Variants in PTPRF observed in about 807,000 individuals in gnomAD.
PTPRF encodes receptor-type tyrosine-protein phosphatase F.
In PTPRF, 59 loss-of-function variants were observed where a neutral mutation model predicts 201.8. The ratio of observed to expected loss-of-function variants is 0.29; its 90% CI spans 0.24 to 0.36. The LOEUF (loss-of-function observed/expected upper bound fraction) is 0.36, where lower values mean the gene tolerates loss of function less well. Among genes scored for constraint, PTPRF ranks in the 10% least tolerant of loss-of-function variants. The pLI, the probability that PTPRF is intolerant of heterozygous loss-of-function variation, is 1.00. For missense variants in PTPRF, 2,132 were observed against 2,690.5 expected (o/e 0.79, Z 4.59); for synonymous variants, 1,088 against 1,089.7 (o/e 1.00, Z 0.03).
chr1:43,578,208 C>G (rs535061272), intron 6 of PTPRF, among the ~76,000 whole-genome samples: 1 of 151,942 alleles, frequency 6.6e-6, no homozygotes, highest in Non-Finnish European at 1.5e-5. Flanking sequence ...TTAGCAGGAC[C>G]GGGCTGAGGA....
chr1:43,536,236 G>A (rs770229186), intron 1 of PTPRF, among the ~76,000 whole-genome samples: 2 of 152,140 alleles, frequency 1.3e-5, no homozygotes, highest in Non-Finnish European at 2.9e-5. Context: ...TCTGGGAGCT[G>A]CAGTTGGTGA....
chr1:43,574,188 G>A (rs2153991716), intron 6 of PTPRF, among the ~76,000 whole-genome samples: 1 of 151,642 alleles, frequency 6.6e-6, no homozygotes, highest in Admixed American at 6.6e-5. Flanking sequence ...TAGAGACAGG[G>A]TTTCACCATG....
chr1:43,545,803 G>C (rs542472879), intron 3 of PTPRF, among the ~76,000 whole-genome samples: 7 of 152,306 alleles, frequency 4.6e-5, no homozygotes, highest in Non-Finnish European at 1.0e-4. Flanking sequence ...GCCCCTCTGT[G>C]TGTGTTTGTG....
At position 43,617,771 on chromosome 1, in the gene PTPRF, A is replaced by G. The variant is rs1658227908; in HGVS notation, c.4231A>G (p.Ile1411Val). 5 of 1,614,082 alleles carry G rather than the reference A, an allele frequency of 3.1e-6. No homozygotes were observed. Among genetic ancestry groups the G allele is most frequent in the Admixed American group, 1.7e-5 (1 of 60,016 alleles). ...GAGTGACTACATCAATGCCAACTAC[A>G]TCGATGGCTACCGCAAGCAGAATGC... ...PGSDYINANY[I>V]DGYRKQNAYI... is the part of the protein sequence containing the mutation. Residue 1411 changes from isoleucine to valine, a missense_variant, in exon 25 of 34, where the codon ATC (isoleucine) becomes GTC (valine). Physicochemically the swap from Ile to Val is conservative, Grantham distance 29 (BLOSUM62 3). This residue lies in a region of PTPRF where 22 missense variants were observed against 48.1 expected (regional missense o/e 0.46). Transcript: ENST00000359947.
At position 43,591,210 on chromosome 1, in the gene PTPRF, G is replaced by C. The variant is rs769624112; in HGVS notation, c.1188G>C (p.Gly396=). Residue 396 remains glycine (G), a synonymous_variant, in exon 9 of 34, where the codon GGG becomes GGC. Coordinates refer to ENST00000359947, the MANE Select transcript of PTPRF (RefSeq NM_002840.5). ...AFRVLAVNSI[G]RGPPSEAVRA... Reference sequence around the variant, plus strand: ...GCGTGCTGGCGGTGAACAGCATCGGGCGAGGGCCGCCCAGCGAGGCAGTGC... The same window carrying C: ...GCGTGCTGGCGGTGAACAGCATCGGCCGAGGGCCGCCCAGCGAGGCAGTGC... 6.2e-7 allele frequency: 1 copy of C among 1,605,780 alleles called. No homozygotes were observed. Among genetic ancestry groups the C allele is most frequent in the South Asian group, 1.1e-5 (1 of 90,892 alleles).
chr1:43,540,134 A>T (rs570471049), intron 2 of PTPRF, among the ~76,000 whole-genome samples: 1 of 152,254 alleles, frequency 6.6e-6, no homozygotes, highest in East Asian at 1.9e-4. Flanking sequence ...TTGTTATTGT[A>T]GGGTGTCTAG....
At position 43,606,270 on chromosome 1, in the gene PTPRF, G is replaced by A; in HGVS notation, c.3514G>A (p.Glu1172Lys). ...AGAAGCCATCGAGCAAGGCGGAGAGGAGCAGCGGCGGCGGCGGCGGCAGGC... is the reference window on the plus strand; with the variant it reads ...AGAAGCCATCGAGCAAGGCGGAGAGAAGCAGCGGCGGCGGCGGCGGCAGGC... ...LLEAIEQGGE[E>K]QRRRRRQAER... The change falls in exon 20 of 34, where the codon GAG becomes AAG. Residue 1172 changes from glutamate to lysine, a missense_variant. Glu to Lys is a moderately conservative substitution (Grantham distance 56). Coordinates refer to ENST00000359947, the MANE Select transcript of PTPRF (RefSeq NM_002840.5). 6.2e-7 allele frequency: 1 copy of A among 1,613,898 alleles called. No individual in the cohort carries two copies. The highest frequency in any genetic ancestry group is 8.5e-7 in the Non-Finnish European group (1 of 1,180,000).
intron 9 of PTPRF, 56 bp from the exon 10 acceptor site, chr1:43,591,756 G>T: frequency 6.3e-7 from 1 of 1,599,452 alleles, no homozygotes; most frequent in Non-Finnish European, 8.5e-7. Context: ...CCTCCTCCCT[G>T]GGCACCCCTG....
intron 25 of PTPRF, among the ~76,000 whole-genome samples, chr1:43,618,397 A>C (rs1035450783): frequency 3.9e-5 from 6 of 152,234 alleles, no homozygotes; most frequent in African/African-American, 1.4e-4. Context: ...TCTGGCGTTG[A>C]ATAAATAATT....
intron 8 of PTPRF, 62 bp from the exon 9 acceptor site, chr1:43,590,910 C>G: frequency 7.0e-7 from 1 of 1,434,744 alleles, no homozygotes; most frequent in Non-Finnish European, 9.5e-7. Flanking sequence ...ATCCCCAAGT[C>G]TAGGGTTGGT....
In PTPRF at chr1:43,619,582, C is replaced by G; in HGVS notation, c.4932+9C>G. The G allele has an allele frequency of 6.2e-7, 1 of 1,611,072 alleles. No individual in the cohort carries two copies. Among genetic ancestry groups the G allele is most frequent in the South Asian group, 1.1e-5 (1 of 90,968 alleles). On this transcript the variant is annotated intron_variant, in intron 28 of 33. Coordinates refer to ENST00000359947, the MANE Select transcript of PTPRF (RefSeq NM_002840.5). ...TGGAGCTCGAGTTCAAGGTGGGGCTCGGGTGGGCCTGCTTGGCTCCAGGGC... is the reference window on the plus strand; with the variant it reads ...TGGAGCTCGAGTTCAAGGTGGGGCTGGGGTGGGCCTGCTTGGCTCCAGGGC...
Position 43,604,025 on chromosome 1 carries a change from T to TC in PTPRF, c.2874dup (p.Asn959GlnfsTer81). 1 of 1,614,134 alleles carries TC rather than the reference T, an allele frequency of 6.2e-7. No individual in the cohort carries two copies. The highest frequency in any genetic ancestry group is 1.1e-5 in the South Asian group (1 of 91,078). On this transcript the variant is annotated frameshift_variant, in exon 16 of 34. Transcript: ENST00000359947. LOFTEE classifies it high-confidence loss of function. ...AGCTACACCGTGGTGTTCCGAGACA[T>TC]CAACAGCCAACAGGAGCTGCAGAAC...
chr1:43,616,975 G>A (rs1306506180), intron 23 of PTPRF, among the ~76,000 whole-genome samples: 2 of 152,132 alleles, frequency 1.3e-5, no homozygotes, highest in African/African-American at 4.8e-5. Context: ...AAGGAAGAGA[G>A]CCGAGCAGGG....
At chr1:43,616,425 T>G (rs1358072742) in intron 23 of PTPRF, among the ~76,000 whole-genome samples, 1 of 151,760 alleles carries the variant, frequency 6.6e-6, no homozygotes, top group Non-Finnish European at 1.5e-5. Context: ...TTATTCTGGC[T>G]GTGGGGCTGA....
At position 43,571,349 on chromosome 1, in the gene PTPRF, C is replaced by T. The variant is rs143946322; in HGVS notation, c.568+1571C>T. Among the ~76,000 whole-genome samples, 36 of 152,308 alleles carry T rather than the reference C, an allele frequency of 2.4e-4. 1 individual carries two copies. The highest frequency in any genetic ancestry group is 3.4e-3 in the Middle Eastern group (1 of 294). ...CCTATGGACACAGCCTTGCCCTGGA[C>T]GAGCTCACCCCCTCCTAAAGCTCCA... On this transcript the variant is annotated intron_variant, in intron 6 of 33. Coordinates refer to ENST00000359947, the MANE Select transcript of PTPRF (RefSeq NM_002840.5).
At chr1:43,579,449 C>T in intron 7 of PTPRF, 1 of 349,642 alleles carries the variant, frequency 2.9e-6, no homozygotes, top group Non-Finnish European at 5.6e-6. Flanking sequence ...TGGAGCCTTC[C>T]TGGAGGAACC....
intron 5 of PTPRF, among the ~76,000 whole-genome samples, chr1:43,559,883 A>G (rs888482587): frequency 7.3e-6 from 1 of 136,690 alleles, no homozygotes; most frequent in Admixed American, 7.4e-5. Context: ...CAGGCTATGT[A>G]TGTATCAGGC....
chr1:43,619,020 G>T (rs373454596), intron 26 of PTPRF, 28 bp from the exon 27 acceptor site: 2 of 1,604,304 alleles, frequency 1.2e-6, no homozygotes, highest in Admixed American at 1.7e-5. Context: ...GCTCCTAGTC[G>T]CCAGTATGTC....
intron 1 of PTPRF, among the ~76,000 whole-genome samples, chr1:43,535,059 C>G (rs1268595293): frequency 6.6e-6 from 1 of 152,064 alleles, no homozygotes; most frequent in African/African-American, 2.4e-5. Context: ...TGGTGTAAAC[C>G]CACCCTCCCA....
Sources: gnomAD v4.1 joint callset for allele counts (sites outside exome capture counted in the v4.1 genomes callset) on GRCh38, gnomAD v4.1.1 for gene constraint, gnomAD v4.1.1 regional missense constraint, MANE v1.5 for transcripts, NCBI Gene and HGNC (gene_info 2026-07-23, HGNC 2026-07-21) for gene names.